The following AP1S1 variants were observed in gnomAD, a reference collection of about 807,000 sequenced individuals.
The protein encoded by AP1S1 is AP-1 complex subunit sigma-1A.
In AP1S1, 13 loss-of-function variants were observed where a neutral mutation model predicts 23.9. The ratio of observed to expected loss-of-function variants is 0.54; its 90% CI spans 0.35 to 0.86. The LOEUF (loss-of-function observed/expected upper bound fraction) is 0.86. Among genes scored for constraint, AP1S1 ranks in the 40% least tolerant of loss-of-function variants. The pLI, the probability that AP1S1 is intolerant of heterozygous loss-of-function variation, is 0.01. For synonymous variants in AP1S1, 84 were observed against 77.7 expected (o/e 1.08, Z -0.43); for missense variants, 119 against 197.6 (o/e 0.60, Z 2.38).
Position 101,160,710 on chromosome 7 carries a change from G to A in AP1S1, c.*144G>A, listed in dbSNP as rs750563988. ...CCTTTCGGAGTGAGCTGTGGGCTCA[G>A]GCCCTTCAAACATTCCCTCCCTCCA... is the stretch of plus-strand genomic sequence containing the variant. On this transcript the variant is annotated 3_prime_UTR_variant, in exon 5 of 5. Coordinates refer to ENST00000337619, the MANE Select transcript of AP1S1 (RefSeq NM_001283.5). 3 of 976,036 alleles carry A rather than the reference G, an allele frequency of 3.1e-6. No homozygotes were observed. Among genetic ancestry groups the A allele is most frequent in the Non-Finnish European group, 4.8e-6 (3 of 628,834 alleles). The allele number at this position is 976,036 out of a possible 1,614,324, so 60.5% of individuals were successfully genotyped here.
chr7:101,158,377 T>TAGCTA (rs779280719), intron 3 of AP1S1, among the ~76,000 whole-genome samples: 6 of 152,192 alleles, frequency 3.9e-5, no homozygotes, highest in Non-Finnish European at 5.9e-5. Context: ...ATGACTTGTT[T>TAGCTA]AGCTAGATGG....
intron 2 of AP1S1, among the ~76,000 whole-genome samples, chr7:101,157,098 T>G (rs1032967860): frequency 1.3e-5 from 2 of 152,084 alleles, no homozygotes; most frequent in African/African-American, 4.8e-5. Context: ...ACACACCCTT[T>G]CCGGTTCCTT....
In AP1S1 at chr7:101,158,278, G is replaced by A. The variant is rs189696925; in HGVS notation, c.292-781G>A. The stretch of plus-strand genomic sequence containing the variant: ...AATTTGTGTTATAAAGTGCTTTTGC[G>A]TCCTCTCGTTTGCTCCTTATCCCAT... On this transcript the variant is annotated intron_variant, in intron 3 of 4. Coordinates refer to ENST00000337619, the MANE Select transcript of AP1S1 (RefSeq NM_001283.5). 6.6e-5 allele frequency among the ~76,000 whole-genome samples: 10 copies of A among 152,272 alleles called. No homozygotes were observed. In the East Asian group the frequency reaches 1.2e-3, roughly 18 times the overall value.
At chr7:101,156,794 G>GACCT in intron 2 of AP1S1, 22 bp downstream of exon 2, 1 of 1,500,828 alleles carries the variant, frequency 6.7e-7, no homozygotes, top group Non-Finnish European at 8.9e-7. Context: ...CCTACTTTCA[G>GACCT]ACCTGCCTAG....
Position 101,157,493 on chromosome 7 carries a change from T to C in AP1S1, c.291+8T>C. ...GACAAATACTTTGGCAGTGTAAGTCTCCTCTGCCCACCAGTTTCCATTCCC... is the reference window on the plus strand; with the variant it reads ...GACAAATACTTTGGCAGTGTAAGTCCCCTCTGCCCACCAGTTTCCATTCCC... On this transcript the variant is annotated splice_region_variant and intron_variant, in intron 3 of 4. Transcript: ENST00000337619. The C allele has an allele frequency of 6.5e-7, 1 of 1,544,318 alleles. No homozygotes were observed. Among genetic ancestry groups the C allele is most frequent in the Non-Finnish European group, 8.8e-7 (1 of 1,139,530 alleles).
intron 3 of AP1S1, among the ~76,000 whole-genome samples, chr7:101,158,243 G>A (rs1562864290): frequency 1.3e-5 from 2 of 152,320 alleles, no homozygotes; most frequent in East Asian, 3.9e-4. Flanking sequence ...GGGCGTAGTA[G>A]TAACTCCATA....
chr7:101,155,589 C>T (rs1451756400), intron 1 of AP1S1, among the ~76,000 whole-genome samples: 5 of 152,192 alleles, frequency 3.3e-5, no homozygotes, highest in East Asian at 1.9e-4. Flanking sequence ...AGACCAAATG[C>T]CTGGGTGCCT....
In AP1S1 at chr7:101,159,984, G is replaced by GCACA. The variant is rs1352652553; in HGVS notation, c.430-534_430-533insACAC. Among the ~76,000 whole-genome samples the GCACA allele has an allele frequency of 8.3e-3, 1,163 of 140,650 alleles. 9 individuals are homozygous for GCACA. Among genetic ancestry groups the GCACA allele is most frequent in the Middle Eastern group, 0.022 (6 of 272 alleles). The allele number at this position is 140,650 out of a possible 152,430, so 92.3% of individuals were successfully genotyped here. A position where few individuals can be genotyped will look rare whatever the true frequency, so the allele number is the denominator to read the frequency against. ...CACACGCACACACACACACCCTGGC[G>GCACA]CGCACACACACACACACACACACAT... On this transcript the variant is annotated intron_variant, in intron 4 of 4. Transcript: ENST00000337619.
Position 101,160,652 on chromosome 7 carries a change from G to T in AP1S1, c.*86G>T. The T allele has an allele frequency of 6.6e-7, 1 of 1,507,966 alleles. No individual in the cohort carries two copies. The highest frequency in any genetic ancestry group is 1.4e-5 in the African/African-American group (1 of 73,078). The allele number at this position is 1,507,966 out of a possible 1,614,324, so 93.4% of individuals were successfully genotyped here. ...TCCTCTGCCCAGGGCCCTGTTCTTG[G>T]TGGGACTCGGCTGCCCCTCCTCTGC... On this transcript the variant is annotated 3_prime_UTR_variant, in exon 5 of 5. Transcript: ENST00000337619.
chr7:101,160,289 C>T (rs920072401), intron 4 of AP1S1, among the ~76,000 whole-genome samples: 2 of 152,142 alleles, frequency 1.3e-5, no homozygotes, highest in African/African-American at 4.8e-5. Context: ...GTGACGGACT[C>T]AACCTGGACC....
At chr7:101,156,911 CTTTTTTTTTT>C (rs34043825) in intron 2 of AP1S1, 139 bp downstream of exon 2, 6 of 417,140 alleles carry the variant, frequency 1.4e-5, no homozygotes, top group Non-Finnish European at 2.3e-5. Context: ...TGTCAGCTTC[CTTTTTTTTTT>C]TTTTTTTTCT....
Position 101,160,764 on chromosome 7 carries a change from A to G in AP1S1, c.*198A>G, listed in dbSNP as rs895651034. 4.3e-6 allele frequency: 3 copies of G among 693,978 alleles called. No individual in the cohort carries two copies. The highest frequency in any genetic ancestry group is 7.4e-6 in the Non-Finnish European group (3 of 403,802). The allele number at this position is 693,978 out of a possible 1,614,324, so 43.0% of individuals were successfully genotyped here. A position where few individuals can be genotyped will look rare whatever the true frequency, so the allele number is the denominator to read the frequency against. ...CCTACCTCCACTTTCCCCTTTTCCC[A>G]CTGAAGGTTTTAGAAGCTAGGAGGC... On this transcript the variant is annotated 3_prime_UTR_variant, in exon 5 of 5. Transcript: ENST00000337619.
rs1465752473 is a variant in AP1S1, at chr7:101,160,765, C to T, written c.*199C>T. The stretch of plus-strand genomic sequence containing the variant: ...CTACCTCCACTTTCCCCTTTTCCCA[C>T]TGAAGGTTTTAGAAGCTAGGAGGCA... On this transcript the variant is annotated 3_prime_UTR_variant, in exon 5 of 5. Transcript: ENST00000337619. The T allele has an allele frequency of 4.0e-6, 3 of 748,904 alleles. No homozygotes were observed. Among genetic ancestry groups the T allele is most frequent in the African/African-American group, 1.7e-5 (1 of 58,342 alleles). The allele number at this position is 748,904 out of a possible 1,614,324, so 46.4% of individuals were successfully genotyped here. A position where few individuals can be genotyped will look rare whatever the true frequency, so the allele number is the denominator to read the frequency against.
At chr7:101,159,897 T>C (rs11980280) in intron 4 of AP1S1, among the ~76,000 whole-genome samples, 34,919 of 151,066 alleles carry the variant, frequency 0.23, 4,786 homozygotes, top group East Asian at 0.38. Context: ...GGGCTCATCT[T>C]TGCAGTGGGA....
At chr7:101,160,000 A>ATGCCCTGG (rs1426910061) in intron 4 of AP1S1, among the ~76,000 whole-genome samples, 2 of 151,218 alleles carry the variant, frequency 1.3e-5, no homozygotes, top group Non-Finnish European at 3.0e-5. Flanking sequence ...ACACACACAC[A>ATGCCCTGG]CACACACATG....
intron 4 of AP1S1, among the ~76,000 whole-genome samples, chr7:101,159,880 C>T (rs4729666): frequency 0.15 from 22,272 of 151,138 alleles, 2,182 homozygotes; most frequent in Middle Eastern, 0.21. Flanking sequence ...AGATGGGGGG[C>T]GAGGGAGGGC....
At position 101,156,659 on chromosome 7, in the gene AP1S1, T is replaced by C. The variant is rs775688954; in HGVS notation, c.69T>C (p.Thr23=). Residue 23 remains threonine (T), a synonymous_variant, in exon 2 of 5, where the codon ACT becomes ACC. Coordinates refer to ENST00000337619, the MANE Select transcript of AP1S1 (RefSeq NM_001283.5). ...GGCTGCAAAAATGGTACCTGGCCAC[T>C]TCGGACAAGGAACGGAAGAAGATGG... ...KLRLQKWYLA[T]SDKERKKMVR... 1.2e-6 allele frequency: 2 copies of C among 1,612,130 alleles called. No homozygotes were observed. The highest frequency in any genetic ancestry group is 1.7e-6 in the Non-Finnish European group (2 of 1,179,228).
At chr7:101,155,004 G>C in intron 1 of AP1S1, 1 of 994,124 alleles carries the variant, frequency 1.0e-6, no homozygotes, top group Non-Finnish European at 1.2e-6. Flanking sequence ...GTTCGTGGCC[G>C]TGCTTGCCTA....
chr7:101,160,635 C>G lies in AP1S1; in HGVS notation c.*69C>G, dbSNP rs1797083544. On this transcript the variant is annotated 3_prime_UTR_variant, in exon 5 of 5. Coordinates refer to ENST00000337619, the MANE Select transcript of AP1S1 (RefSeq NM_001283.5). ...GCGGGAACGGCTGCTTCTCCTCTGC[C>G]CAGGGCCCTGTTCTTGGTGGGACTC... 6.4e-7 allele frequency: 1 copy of G among 1,562,820 alleles called. No individual in the cohort carries two copies. Among genetic ancestry groups the G allele is most frequent in the Non-Finnish European group, 8.7e-7 (1 of 1,145,282 alleles).
Sources: allele counts gnomAD v4.1 joint callset (sites outside exome capture counted in the v4.1 genomes callset), GRCh38; gene constraint gnomAD v4.1.1; transcripts MANE v1.5; gene names NCBI Gene and HGNC (gene_info 2026-07-23, HGNC 2026-07-21).